Variants in TBC1D22B observed in about 807,000 individuals in gnomAD.
TBC1D22B encodes the protein TBC1 domain family member 22B.
TBC1D22B carries 32 observed loss-of-function variants against 69.1 expected under a neutral mutation model. That is an observed-to-expected ratio of 0.46 (90% confidence interval 0.35 to 0.62). TBC1D22B has a LOEUF of 0.62. Ranked by LOEUF, TBC1D22B falls within the 20% of genes least tolerant of loss-of-function variation. The pLI is 0.00. For synonymous variants in TBC1D22B, 206 were observed against 229.8 expected (o/e 0.90, Z 0.94); for missense variants, 462 against 630.9 (o/e 0.73, Z 2.87).
chr6:37,318,592 G>A (rs1768148343), intron 12 of TBC1D22B, among the ~76,000 whole-genome samples: 1 of 152,144 alleles, frequency 6.6e-6, no homozygotes, highest in African/African-American at 2.4e-5. Context: ...ACAGAGAAGG[G>A]GACCAGGGCC....
intron 8 of TBC1D22B, among the ~76,000 whole-genome samples, chr6:37,297,108 T>TGA (rs1767408160): frequency 6.6e-6 from 1 of 152,222 alleles, no homozygotes; most frequent in Non-Finnish European, 1.5e-5. Context: ...ATTACAGGCG[T>TGA]GAGCCACTGC....
intron 12 of TBC1D22B, among the ~76,000 whole-genome samples, chr6:37,321,666 C>T (rs1197191869): frequency 6.6e-6 from 1 of 152,176 alleles, no homozygotes; most frequent in African/African-American, 2.4e-5. Context: ...AGCAGAGGCT[C>T]TAATGCTCCA....
In TBC1D22B at chr6:37,292,565, G is replaced by T. The variant is rs192277343; in HGVS notation, c.982+1208G>T. 1.2e-4 allele frequency among the ~76,000 whole-genome samples: 19 copies of T among 152,142 alleles called. No homozygotes were observed. In the East Asian group the frequency reaches 3.3e-3, roughly 26 times the overall value. On this transcript the variant is annotated intron_variant, in intron 8 of 12. Coordinates refer to ENST00000373491, the MANE Select transcript of TBC1D22B (RefSeq NM_017772.4). Reference sequence around the variant, plus strand: ...ATTTTATCAAGAGAGCATTTCAGCTGATCTGTTGTGATTTTTTAGTTGCTT... The same window carrying T: ...ATTTTATCAAGAGAGCATTTCAGCTTATCTGTTGTGATTTTTTAGTTGCTT...
At chr6:37,317,330 G>A (rs1328788397) in intron 12 of TBC1D22B, 124 bp downstream of exon 12, 13 of 965,718 alleles carry the variant, frequency 1.3e-5, no homozygotes, top group Admixed American at 1.2e-4. Context: ...AAGGGAGAAG[G>A]GGTGCTCTGA....
intron 8 of TBC1D22B, among the ~76,000 whole-genome samples, chr6:37,305,719 A>G (rs1767694475): frequency 6.6e-6 from 1 of 152,028 alleles, no homozygotes. Context: ...ACAAGGTTTC[A>G]CTGTGTTAGC....
chr6:37,267,526 C>CTA, intron 1 of TBC1D22B, among the ~76,000 whole-genome samples: 1 of 56,606 alleles, frequency 1.8e-5, no homozygotes, highest in South Asian at 6.3e-4. Flanking sequence ...TATATATACA[C>CTA]TATATATATA....
At chr6:37,292,248 G>GT (rs3839380) in intron 8 of TBC1D22B, among the ~76,000 whole-genome samples, 27,364 of 152,038 alleles carry the variant, frequency 0.18, 2,663 homozygotes, top group Non-Finnish European at 0.21. Flanking sequence ...GATGATTGTG[G>GT]TTTTTGGAGG....
chr6:37,266,447 AAT>A (rs1240403505), intron 1 of TBC1D22B, among the ~76,000 whole-genome samples: 9 of 149,108 alleles, frequency 6.0e-5, no homozygotes, highest in Admixed American at 4.9e-4. Context: ...CATGTCAGTG[AAT>A]ATAGAACTGC....
chr6:37,322,565 A>C (rs1407417611), intron 12 of TBC1D22B, among the ~76,000 whole-genome samples: 1 of 152,232 alleles, frequency 6.6e-6, no homozygotes, highest in Non-Finnish European at 1.5e-5. Context: ...TTTTGAGGGA[A>C]CAAGGCTGGA....
chr6:37,282,059 C>G, intron 3 of TBC1D22B, 126 bp from the exon 4 acceptor site: 1 of 1,068,984 alleles, frequency 9.4e-7, no homozygotes, highest in Non-Finnish European at 1.4e-6. Flanking sequence ...CTGGGCACCT[C>G]AGACAGTGCA....
chr6:37,311,787 G>A (rs541304227), intron 8 of TBC1D22B, among the ~76,000 whole-genome samples: 4 of 152,362 alleles, frequency 2.6e-5, no homozygotes, highest in Middle Eastern at 3.4e-3. Context: ...CAGAATAGGG[G>A]TTGTGGGTCT....
chr6:37,321,421 A>G (rs1768240872), intron 12 of TBC1D22B, among the ~76,000 whole-genome samples: 1 of 152,070 alleles, frequency 6.6e-6, no homozygotes, highest in South Asian at 2.1e-4. Flanking sequence ...CTCCCCCTAC[A>G]TTGGAGGTTG....
rs1047286865 is a variant in TBC1D22B at position 37,329,085 on chromosome 6, T to G, written c.1390-1959T>G. Among the ~76,000 whole-genome samples the G allele has an allele frequency of 9.2e-5, 14 of 152,182 alleles. No homozygotes were observed. In the South Asian group the frequency reaches 1.4e-3, roughly 16 times the overall value. The stretch of plus-strand genomic sequence containing the variant: ...CATAACACAATAATACACAAATATT[T>G]TATAAGATACATAAATATAATGAGA... On this transcript the variant is annotated intron_variant, in intron 12 of 12. Transcript: ENST00000373491.
intron 2 of TBC1D22B, among the ~76,000 whole-genome samples, chr6:37,276,932 C>G (rs1183449853): frequency 6.6e-6 from 1 of 152,078 alleles, no homozygotes; most frequent in Non-Finnish European, 1.5e-5. Flanking sequence ...CGAAAACCTT[C>G]AAATGCATAA....
At chr6:37,323,082 AAGCAGCAGC>A (rs200537251) in intron 12 of TBC1D22B, among the ~76,000 whole-genome samples, 4 of 151,964 alleles carry the variant, frequency 2.6e-5, no homozygotes, top group South Asian at 2.1e-4. Context: ...CATCTCGGGA[AAGCAGCAGC>A]AGCAGCAGCA....
intron 3 of TBC1D22B, 68 bp from the exon 4 acceptor site, chr6:37,282,117 G>A: frequency 6.4e-7 from 1 of 1,555,056 alleles, no homozygotes; most frequent in African/African-American, 1.4e-5. Context: ...TGAACGGTTA[G>A]GTTTAAGGCT....
At chr6:37,325,539 ACTTTTTTTT>A (rs1487546395) in intron 12 of TBC1D22B, among the ~76,000 whole-genome samples, 2 of 87,558 alleles carry the variant, frequency 2.3e-5, no homozygotes, top group African/African-American at 8.7e-5. Context: ...TATCGTTTCT[ACTTTTTTTT>A]TTTTTTTTTT....
chr6:37,266,898 AGTTT>A (rs1452085777), intron 1 of TBC1D22B, among the ~76,000 whole-genome samples: 1 of 132,024 alleles, frequency 7.6e-6, no homozygotes, highest in Non-Finnish European at 1.6e-5. Context: ...TTAGTTATTT[AGTTT>A]AAGTTCAATT....
rs1766854706 is a variant in TBC1D22B, at chr6:37,282,200, G to C, written c.437G>C (p.Arg146Thr). The C allele has an allele frequency of 6.2e-7, 1 of 1,613,976 alleles. No homozygotes were observed. The highest frequency in any genetic ancestry group is 1.3e-5 in the African/African-American group (1 of 74,890). ...ATGATCTCAGGTGATACATGCCTGA[G>C]GAACCCACTCCACAAACAGCAATCA... is the stretch of plus-strand genomic sequence containing the variant. ...LSRNSSDTCL[R>T]NPLHKQQSLP... Residue 146 changes from arginine (R) to threonine (T), a missense_variant, in exon 4 of 13, where the codon AGG becomes ACG. By Grantham distance (71) the Arg-to-Thr change is moderately conservative. Around this residue, in one of 2 missense-constraint regions of TBC1D22B, gnomAD observed 237 missense variants for 255.4 expected, o/e 0.93. Transcript: ENST00000373491.
Sources: allele counts gnomAD v4.1 joint callset (sites outside exome capture counted in the v4.1 genomes callset), GRCh38; gene constraint gnomAD v4.1.1; regional missense constraint gnomAD v4.1.1; transcripts MANE v1.5; gene names NCBI Gene and HGNC (gene_info 2026-07-23, HGNC 2026-07-21).